The following PTK7 variants were observed in gnomAD, a reference collection of about 807,000 sequenced individuals.
PTK7 encodes inactive tyrosine-protein kinase 7.
In PTK7, 39 loss-of-function variants were observed where a neutral mutation model predicts 116.6. That is an observed-to-expected ratio of 0.33 (90% CI 0.26 to 0.44). PTK7 has a LOEUF of 0.44. Ranked by LOEUF, PTK7 falls within the 20% of genes least tolerant of loss-of-function variation. The probability of loss-of-function intolerance (pLI) is 1.00; values close to 1 mark genes in which losing one functional copy is unlikely to be tolerated. For missense variants in PTK7, 1,169 were observed against 1,425.6 expected, an observed-to-expected ratio of 0.82 and a Z score of 2.90; for synonymous variants, 546 against 563.6, an observed-to-expected ratio of 0.97 and a Z score of 0.44.
At chr6:43,118,511 G>A (rs1326008084) in intron 1 of PTK7, among the ~76,000 whole-genome samples, 1 of 151,298 alleles carries the variant, frequency 6.6e-6, no homozygotes, top group African/African-American at 2.4e-5. Context: ...ACTCCAGCCT[G>A]GATGACAGAG....
At chr6:43,147,360 A>G (rs576931240) in intron 17 of PTK7, among the ~76,000 whole-genome samples, 1 of 152,298 alleles carries the variant, frequency 6.6e-6, no homozygotes, top group African/African-American at 2.4e-5. Flanking sequence ...ACCTCAGTCC[A>G]TACCTTTCCA....
At position 43,134,735 on chromosome 6, in the gene PTK7, G is replaced by A. The variant is rs370634336; in HGVS notation, c.1228+2048G>A. On this transcript the variant is annotated intron_variant, in intron 7 of 19. Coordinates refer to ENST00000230419, the MANE Select transcript of PTK7 (RefSeq NM_002821.5). ...GCAGAGGTTGCAGTGAGTCGAGATC[G>A]TGCCATTGCACTCCAGCCTGGGTGA... Among the ~76,000 whole-genome samples, 16 of 151,572 alleles carry A rather than the reference G, an allele frequency of 1.1e-4. No individual in the cohort carries two copies. The East Asian group carries it at 2.7e-3, about 26-fold the overall frequency.
At position 43,076,431 on chromosome 6, in the gene PTK7, G is replaced by A. The variant is rs1766004917; in HGVS notation, c.-58G>A. 5 of 1,406,846 alleles carry A rather than the reference G, an allele frequency of 3.6e-6. No individual in the cohort carries two copies. The highest frequency in any genetic ancestry group is 1.4e-5 in the South Asian group (1 of 71,942). 87.1% of individuals were successfully genotyped at this position (1,406,846 alleles called of 1,614,324 possible). On this transcript the variant is annotated 5_prime_UTR_variant, in exon 1 of 20. Transcript: ENST00000230419. This position sits in a 1 kb window ranked among gnomAD's most constrained non-coding sequence, Gnocchi z 5.7. ...GCGCTCCGCCTCCTGTGCCCGCCGC[G>A]GAGCGCAGTCTGCGCGCCCGCCGTG...
rs752365834 is a variant in PTK7 at position 43,142,155 on chromosome 6, G to A, written c.1920-17G>A. On this transcript the variant is annotated splice_polypyrimidine_tract_variant and intron_variant, in intron 12 of 19. Coordinates refer to ENST00000230419, the MANE Select transcript of PTK7 (RefSeq NM_002821.5). ...CTCCCTGCGAGCTGGCCAGCACTAT[G>A]GCTTCTCCCCCGACAGGATGCACAT... The A allele has an allele frequency of 3.1e-6, 5 of 1,613,636 alleles. No homozygotes were observed. The Admixed American group carries it at 6.7e-5, about 22-fold the overall frequency.
Position 43,145,805 on chromosome 6 carries a change from T to C in PTK7, c.2640+373T>C, listed in dbSNP as rs1045470353. ...GCTTGTCCCCACTTGAGAATAAATATATCAGAACCCACTTTGCCTCCCTCC... is the reference window on the plus strand; with the variant it reads ...GCTTGTCCCCACTTGAGAATAAATACATCAGAACCCACTTTGCCTCCCTCC... On this transcript the variant is annotated intron_variant, in intron 16 of 19. Transcript: ENST00000230419. This position sits in a 1 kb window ranked among gnomAD's most constrained non-coding sequence, Gnocchi z 4.8. The C allele has an allele frequency of 4.4e-5, 7 of 157,644 alleles. No homozygotes were observed. The highest frequency in any genetic ancestry group is 1.7e-4 in the African/African-American group (7 of 41,614). 9.8% of individuals were successfully genotyped at this position (157,644 alleles called of 1,614,324 possible). A position where few individuals can be genotyped will look rare whatever the true frequency, so the allele number is the denominator to read the frequency against.
chr6:43,092,600 A>G (rs1351499982), intron 1 of PTK7, among the ~76,000 whole-genome samples: 1 of 152,166 alleles, frequency 6.6e-6, no homozygotes, highest in African/African-American at 2.4e-5. Flanking sequence ...GGACTACTGT[A>G]TATAACATTG....
intron 18 of PTK7, 86 bp from the exon 19 acceptor site, chr6:43,159,702 G>C (rs1771722359): frequency 1.4e-6 from 2 of 1,414,140 alleles, no homozygotes; most frequent in South Asian, 1.2e-5. Context: ...CCCGGCTTGG[G>C]GATGCGTTCC....
intron 1 of PTK7, among the ~76,000 whole-genome samples, chr6:43,096,388 G>A (rs551740802): frequency 6.6e-6 from 1 of 152,068 alleles, no homozygotes; most frequent in African/African-American, 2.4e-5. Flanking sequence ...AAGGAGGACC[G>A]GGATCCAAGG....
intron 19 of PTK7, 136 bp downstream of exon 19, chr6:43,160,102 G>A: frequency 3.3e-6 from 3 of 903,266 alleles, no homozygotes; most frequent in Non-Finnish European, 5.0e-6. Flanking sequence ...CACTCTGGTT[G>A]TTAAAATACT....
Position 43,143,601 on chromosome 6 carries a change from A to G in PTK7, c.2232A>G (p.Pro744=), listed in dbSNP as rs1266978161. ...RLQKQPEGEE[P]EMECLNGGPL... ...AGAAGCAGCCCGAGGGCGAGGAGCC[A>G]GAGATGGAATGCCTCAACGGTGAGG... Residue 744 remains proline (P), a synonymous_variant, in exon 14 of 20, where the codon CCA becomes CCG. Transcript: ENST00000230419. This position sits in a 1 kb window ranked among gnomAD's most constrained non-coding sequence, Gnocchi z 4.2. 5 of 1,612,236 alleles carry G rather than the reference A, an allele frequency of 3.1e-6. No individual in the cohort carries two copies. The highest frequency in any genetic ancestry group is 3.4e-6 in the Non-Finnish European group (4 of 1,179,948).
chr6:43,154,872 G>T (rs984987219), intron 17 of PTK7, among the ~76,000 whole-genome samples: 1 of 152,252 alleles, frequency 6.6e-6, no homozygotes, highest in Non-Finnish European at 1.5e-5. Flanking sequence ...CAGTCCATCA[G>T]CAGTGATGTG....
intron 1 of PTK7, among the ~76,000 whole-genome samples, chr6:43,102,194 G>T (rs1020478205): frequency 6.6e-6 from 1 of 152,176 alleles, no homozygotes; most frequent in African/African-American, 2.4e-5. Flanking sequence ...GGAGGCCGAG[G>T]TGGGCGGATC....
At chr6:43,103,984 T>A (rs577858928) in intron 1 of PTK7, among the ~76,000 whole-genome samples, 24 of 152,368 alleles carry the variant, frequency 1.6e-4, no homozygotes, top group African/African-American at 5.8e-4. Flanking sequence ...GCAAACACTT[T>A]TTCTTCTTCG....
chr6:43,101,122 C>T (rs1767550104), intron 1 of PTK7, among the ~76,000 whole-genome samples: 1 of 151,858 alleles, frequency 6.6e-6, no homozygotes, highest in African/African-American at 2.4e-5. Context: ...ATCCCAGCTA[C>T]TCCGGAAGCT....
At chr6:43,137,963 C>T (rs1770143496) in intron 7 of PTK7, among the ~76,000 whole-genome samples, 2 of 152,100 alleles carry the variant, frequency 1.3e-5, no homozygotes, top group African/African-American at 4.8e-5. Context: ...CCCGCCACCA[C>T]ACCCGGCCAA....
intron 1 of PTK7, among the ~76,000 whole-genome samples, chr6:43,111,773 T>C (rs1282331017): frequency 6.6e-6 from 1 of 151,562 alleles, no homozygotes; most frequent in East Asian, 1.9e-4. Flanking sequence ...TCTCAAGTGA[T>C]CCTCCCACCT....
In PTK7 at chr6:43,145,309, G is replaced by A. The variant is rs202024669; in HGVS notation, c.2517G>A (p.Gln839=). 7.6e-5 allele frequency: 122 copies of A among 1,614,096 alleles called. No homozygotes were observed. In the African/African-American group the frequency reaches 1.5e-3, roughly 19 times the overall value. The change falls in exon 16 of 20, where the codon CAG becomes CAA. Residue 839 remains glutamine (Q), a synonymous_variant. Coordinates refer to ENST00000230419, the MANE Select transcript of PTK7 (RefSeq NM_002821.5). The surrounding 1 kb of genome is among the most constrained non-coding windows in gnomAD (Gnocchi z 4.8). Reference sequence around the variant, plus strand: ...GCCTGCAGAGCAAGGATGAGCAGCAGCAGCTGGACTTCCGGAGGGAGTTGG... The same window carrying A: ...GCCTGCAGAGCAAGGATGAGCAGCAACAGCTGGACTTCCGGAGGGAGTTGG... ...VKSLQSKDEQ[Q]QLDFRRELEM... is the part of the protein sequence containing the mutation.
At chr6:43,122,273 G>C (rs545918149) in intron 1 of PTK7, among the ~76,000 whole-genome samples, 1 of 152,304 alleles carries the variant, frequency 6.6e-6, no homozygotes, top group East Asian at 1.9e-4. Flanking sequence ...GGATTAGGTA[G>C]GCTATTCAGG....
chr6:43,084,204 C>T (rs896385079), intron 1 of PTK7, among the ~76,000 whole-genome samples: 1 of 152,196 alleles, frequency 6.6e-6, no homozygotes, highest in Non-Finnish European at 1.5e-5. Context: ...AATCACAGCT[C>T]ACTGCAGCCT....
Sources: allele counts gnomAD v4.1 joint callset (sites outside exome capture counted in the v4.1 genomes callset), GRCh38; gene constraint gnomAD v4.1.1; non-coding constraint Gnocchi (gnomAD v3.1); transcripts MANE v1.5; gene names NCBI Gene and HGNC (gene_info 2026-07-23, HGNC 2026-07-21).